The following PYDC5 variants were observed in gnomAD, a reference collection of about 807,000 sequenced individuals.
PYDC5 encodes pyrin domain containing 5.
the PYDC5 span, among the ~76,000 whole-genome samples, chr1:159,002,132 A>G: frequency 2.6e-5 from 4 of 152,224 alleles, no homozygotes; most frequent in Non-Finnish European, 5.9e-5. Flanking sequence ...GCTGGCATTT[A>G]TTATAGTCTC....
At chr1:159,002,291 T>A in the PYDC5 span, among the ~76,000 whole-genome samples, 1 of 151,874 alleles carries the variant, frequency 6.6e-6, no homozygotes, top group Non-Finnish European at 1.5e-5. Flanking sequence ...ACAGAGAGTA[T>A]GGAATGATTC....
the PYDC5 span, chr1:159,000,271 C>A: frequency 7.8e-6 from 2 of 256,438 alleles, no homozygotes; most frequent in South Asian, 1.5e-4. Context: ...TGATGTTATC[C>A]AGGCTGGTTA....
chr1:159,000,176 G>C, the PYDC5 span: 1 of 213,726 alleles, frequency 4.7e-6, no homozygotes, highest in African/African-American at 2.3e-5. Context: ...TTGGCTACTC[G>C]TGCTGTTTAG....
the PYDC5 span, chr1:158,999,995 A>G: frequency 6.5e-6 from 1 of 153,040 alleles, no homozygotes; most frequent in African/African-American, 2.4e-5. Context: ...CAGAAATGCC[A>G]TGAAAGGAAA....
the PYDC5 span, among the ~76,000 whole-genome samples, chr1:159,000,940 A>G: frequency 6.6e-6 from 1 of 152,322 alleles, no homozygotes; most frequent in African/African-American, 2.4e-5. Flanking sequence ...CCAGTAACCC[A>G]TTAGAAGAAA....
chr1:159,000,695 C>A, the PYDC5 span, among the ~76,000 whole-genome samples: 5 of 152,140 alleles, frequency 3.3e-5, no homozygotes, highest in African/African-American at 1.2e-4. Flanking sequence ...TCAATTTCTT[C>A]TTTCATGGAT....
At chr1:159,000,558 G>A in the PYDC5 span, among the ~76,000 whole-genome samples, 2 of 151,996 alleles carry the variant, frequency 1.3e-5, no homozygotes, top group Non-Finnish European at 2.9e-5. Context: ...TTAGAAAATG[G>A]GATCCATTTT....
the PYDC5 span, among the ~76,000 whole-genome samples, chr1:159,001,529 T>G: frequency 6.6e-6 from 1 of 152,174 alleles, no homozygotes; most frequent in Non-Finnish European, 1.5e-5. Flanking sequence ...TTAAGGGACA[T>G]TTTCAAAATA....
chr1:159,001,764 C>T, the PYDC5 span, among the ~76,000 whole-genome samples: 1 of 152,162 alleles, frequency 6.6e-6, no homozygotes, highest in Non-Finnish European at 1.5e-5. Flanking sequence ...AAAATTAAGA[C>T]ACCTTTTATC....
the PYDC5 span, among the ~76,000 whole-genome samples, chr1:159,000,636 G>T: frequency 6.6e-5 from 10 of 152,248 alleles, no homozygotes; most frequent in African/African-American, 2.4e-4. Flanking sequence ...TATTTCACAT[G>T]TGCAATTTAA....
the PYDC5 span, among the ~76,000 whole-genome samples, chr1:159,000,569 C>T: frequency 6.6e-6 from 1 of 152,084 alleles, no homozygotes; most frequent in African/African-American, 2.4e-5. Context: ...GATCCATTTT[C>T]CTGTTATTTT....
At chr1:159,002,571 T>C in the PYDC5 span, among the ~76,000 whole-genome samples, 1 of 152,224 alleles carries the variant, frequency 6.6e-6, no homozygotes, top group Non-Finnish European at 1.5e-5. Context: ...ATACCATTTG[T>C]ATTTCTTCAT....
chr1:159,002,541 G>A, the PYDC5 span, among the ~76,000 whole-genome samples: 2 of 150,528 alleles, frequency 1.3e-5, no homozygotes, highest in South Asian at 4.5e-4. Flanking sequence ...AAAATAGCAC[G>A]ATACCGTTAC....
chr1:159,000,249 G>C, the PYDC5 span: 1 of 259,080 alleles, frequency 3.9e-6, no homozygotes, highest in East Asian at 8.5e-5. Flanking sequence ...AACCTATCCA[G>C]TTCCTCATCG....
At chr1:159,001,620 G>A in the PYDC5 span, among the ~76,000 whole-genome samples, 1 of 152,098 alleles carries the variant, frequency 6.6e-6, no homozygotes, top group Non-Finnish European at 1.5e-5. Context: ...AAGGAAATTT[G>A]CATTTCCTGA....
At chr1:159,000,494 T>C in the PYDC5 span, 1 of 152,732 alleles carries the variant, frequency 6.5e-6, no homozygotes, top group Non-Finnish European at 1.5e-5. Context: ...AGCAAGATAG[T>C]CCTTCTTCCT....
the PYDC5 span, among the ~76,000 whole-genome samples, chr1:159,001,125 T>G: frequency 6.6e-6 from 1 of 152,220 alleles, no homozygotes; most frequent in Non-Finnish European, 1.5e-5. Flanking sequence ...GCAATGTATA[T>G]AATTCAGAAT....
At chr1:159,001,242 C>T in the PYDC5 span, among the ~76,000 whole-genome samples, 1 of 152,056 alleles carries the variant, frequency 6.6e-6, no homozygotes, top group South Asian at 2.1e-4. Context: ...TGAACAGGTG[C>T]TCAAAATTAC....
At chr1:159,000,827 C>G in the PYDC5 span, among the ~76,000 whole-genome samples, 1 of 152,114 alleles carries the variant, frequency 6.6e-6, no homozygotes, top group Non-Finnish European at 1.5e-5. Flanking sequence ...GTGGATCCCT[C>G]ATGAATGGCT....
Sources: gnomAD v4.1 joint callset for allele counts (sites outside exome capture counted in the v4.1 genomes callset) on GRCh38, gnomAD v4.1.1 for gene constraint, MANE v1.5 for transcripts, NCBI Gene and HGNC (gene_info 2026-07-23, HGNC 2026-07-21) for gene names.